The following TAF4B variants were observed in gnomAD, a reference collection of about 807,000 sequenced individuals.
The protein encoded by TAF4B is TATA-box binding protein associated factor 4b, also known as transcription initiation factor TFIID subunit 4B.
A neutral mutation model predicts 86.4 loss-of-function variants in TAF4B; 38 were observed. That is an observed-to-expected ratio of 0.44 (90% CI 0.34 to 0.58). The LOEUF (loss-of-function observed/expected upper bound fraction) is 0.58, where lower values mean the gene tolerates loss of function less well. TAF4B is among the 20% of genes least tolerant of loss of function. TAF4B has a pLI of 0.02. For missense variants in TAF4B, 988 were observed against 1,027.6 expected (o/e 0.96, Z 0.53); for synonymous variants, 388 against 391.2 (o/e 0.99, Z 0.10).
intron 12 of TAF4B, among the ~76,000 whole-genome samples, chr18:26,332,585 A>G (rs1385831429): frequency 1.3e-5 from 2 of 152,040 alleles, no homozygotes; most frequent in Admixed American, 1.3e-4. Flanking sequence ...GCTGGAGTGC[A>G]ATGGGGTGGT....
intron 10 of TAF4B, among the ~76,000 whole-genome samples, chr18:26,317,737 T>G (rs2144670469): frequency 6.6e-6 from 1 of 152,326 alleles, no homozygotes; most frequent in South Asian, 2.1e-4. Context: ...CTTCTTGCTG[T>G]GTTTTCATGT....
At chr18:26,240,579 T>C (rs1256932085) in intron 1 of TAF4B, among the ~76,000 whole-genome samples, 2 of 152,296 alleles carry the variant, frequency 1.3e-5, no homozygotes, top group East Asian at 3.9e-4. Context: ...CCTTTCTTTC[T>C]TTCTCCTGCC....
At chr18:26,232,692 C>G (rs185900145) in intron 1 of TAF4B, among the ~76,000 whole-genome samples, 127 of 152,304 alleles carry the variant, frequency 8.3e-4, no homozygotes, top group Non-Finnish European at 1.4e-3. Context: ...CACTCTTCCC[C>G]TAAGAAGGTA....
chr18:26,324,113 A>G (rs955866994), intron 11 of TAF4B, among the ~76,000 whole-genome samples: 3 of 152,156 alleles, frequency 2.0e-5, no homozygotes, highest in Admixed American at 6.5e-5. Flanking sequence ...TCCTAAATCT[A>G]CAATCTAGTT....
At chr18:26,309,229 GA>G (rs1250158480) in intron 9 of TAF4B, among the ~76,000 whole-genome samples, 1 of 136,860 alleles carries the variant, frequency 7.3e-6, no homozygotes, top group African/African-American at 2.6e-5. Flanking sequence ...TCACTTTAGG[GA>G]AAAAACCTGA....
At chr18:26,313,604 A>C (rs983394577) in intron 9 of TAF4B, among the ~76,000 whole-genome samples, 2 of 151,484 alleles carry the variant, frequency 1.3e-5, no homozygotes, top group South Asian at 4.1e-4. Flanking sequence ...TATACTGTTC[A>C]TGTAAGACCA....
intron 13 of TAF4B, among the ~76,000 whole-genome samples, chr18:26,356,914 T>TA (rs562107882): frequency 1.6e-3 from 235 of 150,914 alleles, no homozygotes; most frequent in Non-Finnish European, 1.9e-3. Context: ...TTTGCCCACA[T>TA]AAAAAAAAAT....
At position 26,346,759 on chromosome 18, in the gene TAF4B, G is replaced by GTATATATATATATATATATA. The variant is rs1189521252; in HGVS notation, c.2317-10916_2317-10915insATATATATATATATATATAT. Among the ~76,000 whole-genome samples, 4 of 27,142 alleles carry GTATATATATATATATATATA rather than the reference G, an allele frequency of 1.5e-4. 1 individual carries two copies. Among genetic ancestry groups the GTATATATATATATATATATA allele is most frequent in the South Asian group, 1.8e-3 (1 of 564 alleles). The allele number at this position is 27,142 out of a possible 152,430, so 17.8% of individuals were successfully genotyped here. ...CAAGAATATATATATATATATGTGTGTATATATATATATATGTGTGTGTAT... is the reference window on the plus strand; with the variant it reads ...CAAGAATATATATATATATATGTGTGTATATATATATATATATATATATATATATATATATGTGTGTGTAT... On this transcript the variant is annotated intron_variant, in intron 13 of 14. Transcript: ENST00000269142.
intron 1 of TAF4B, among the ~76,000 whole-genome samples, chr18:26,231,749 TGA>T (rs1233436107): frequency 1.3e-5 from 2 of 152,144 alleles, no homozygotes; most frequent in African/African-American, 4.8e-5. Context: ...ACCTTGGCGG[TGA>T]GTGTTATAGC....
At chr18:26,328,900 G>A (rs1297003965) in intron 12 of TAF4B, among the ~76,000 whole-genome samples, 1 of 151,964 alleles carries the variant, frequency 6.6e-6, no homozygotes, top group African/African-American at 2.4e-5. Context: ...ACAGGACTGA[G>A]CCACCGTGTC....
intron 14 of TAF4B, among the ~76,000 whole-genome samples, chr18:26,376,401 A>T (rs1287510278): frequency 6.6e-6 from 1 of 151,806 alleles, no homozygotes; most frequent in Non-Finnish European, 1.5e-5. Flanking sequence ...CACTAGTTAA[A>T]TTTTTTCCTA....
chr18:26,353,887 T>TA (rs2057265313), intron 13 of TAF4B, among the ~76,000 whole-genome samples: 1 of 152,210 alleles, frequency 6.6e-6, no homozygotes, highest in Non-Finnish European at 1.5e-5. Context: ...CTCTTATAGA[T>TA]ATGCATTAGG....
chr18:26,384,597 A>G (rs531592367), intron 14 of TAF4B, among the ~76,000 whole-genome samples: 3 of 152,208 alleles, frequency 2.0e-5, no homozygotes, highest in Non-Finnish European at 4.4e-5. Flanking sequence ...GATTTAGTGA[A>G]GACTTGAGAT....
At chr18:26,293,382 ATTGCTTTTTTTGTATTCTATT>A (rs753593831) in intron 8 of TAF4B, 23 bp from the exon 9 acceptor site, 15 of 1,401,326 alleles carry the variant, frequency 1.1e-5, no homozygotes, top group Admixed American at 4.1e-5. Context: ...ATGTGGTGTG[ATTGCTTTTTTTGTATTCTATT>A]TTTTCTTGTT....
intron 2 of TAF4B, 129 bp downstream of exon 2, chr18:26,265,444 T>G: frequency 9.4e-7 from 1 of 1,061,766 alleles, no homozygotes; most frequent in Non-Finnish European, 1.3e-6. Flanking sequence ...TAGGTCAGCT[T>G]GCCTTGAATA....
intron 14 of TAF4B, among the ~76,000 whole-genome samples, chr18:26,389,557 A>G (rs2169742): frequency 9.5e-4 from 145 of 152,368 alleles, no homozygotes; most frequent in African/African-American, 3.3e-3. Flanking sequence ...CTGGCCTGCA[A>G]TGCACTGGAA....
Position 26,357,312 on chromosome 18 carries a change from CTT to C in TAF4B, c.2317-376_2317-375del, listed in dbSNP as rs1402772892. ...GTGTGCAATAATGTACAAAAACTGT[CTT>C]TATTTTAAAGTGAATTTAATCTGAA... On this transcript the variant is annotated intron_variant, in intron 13 of 14. Transcript: ENST00000269142. Among the ~76,000 whole-genome samples the C allele has an allele frequency of 2.0e-5, 3 of 152,152 alleles. No homozygotes were observed. The East Asian group carries it at 5.8e-4, about 29-fold the overall frequency.
intron 1 of TAF4B, among the ~76,000 whole-genome samples, chr18:26,244,895 G>A (rs984777457): frequency 2.6e-5 from 4 of 152,180 alleles, no homozygotes; most frequent in Non-Finnish European, 4.4e-5. Flanking sequence ...TCGCTTGGGC[G>A]ACATAACTTT....
At position 26,297,588 on chromosome 18, in the gene TAF4B, A is replaced by AC. The variant is rs376756708; in HGVS notation, c.1832+4058dup. On this transcript the variant is annotated intron_variant, in intron 9 of 14. Coordinates refer to ENST00000269142, the MANE Select transcript of TAF4B (RefSeq NM_005640.3). ...CATATCATCAATATTCACACATCATACAGTTCATGTTGTGTCTGGCTTCTT... is the reference window on the plus strand; with the variant it reads ...CATATCATCAATATTCACACATCATACCAGTTCATGTTGTGTCTGGCTTCTT... 5.7e-3 allele frequency among the ~76,000 whole-genome samples: 865 copies of AC among 152,288 alleles called. 13 individuals are homozygous for AC. Among genetic ancestry groups the AC allele is most frequent in the African/African-American group, 0.019 (807 of 41,532 alleles).
Sources: gnomAD v4.1 joint callset for allele counts (sites outside exome capture counted in the v4.1 genomes callset) on GRCh38, gnomAD v4.1.1 for gene constraint, MANE v1.5 for transcripts, NCBI Gene and HGNC (gene_info 2026-07-23, HGNC 2026-07-21) for gene names.